Variants in PUS10 observed in about 807,000 individuals in gnomAD.
PUS10 encodes tRNA pseudouridine synthase Pus10.
In PUS10, 59 loss-of-function variants were observed where a neutral mutation model predicts 75.0. That is an observed-to-expected ratio of 0.79 (90% CI 0.64 to 0.98). The LOEUF (loss-of-function observed/expected upper bound fraction) is 0.98. Among genes scored for constraint, PUS10 ranks in the 50% least tolerant of loss-of-function variants. The pLI is 0.00. For missense variants in PUS10, 650 were observed against 614.4 expected, an observed-to-expected ratio of 1.06 and a Z score of -0.61; for synonymous variants, 219 against 211.6, an observed-to-expected ratio of 1.03 and a Z score of -0.30.
intron 15 of PUS10, among the ~76,000 whole-genome samples, chr2:60,952,587 A>G (rs113517706): frequency 1.6e-3 from 246 of 152,364 alleles, no homozygotes; most frequent in African/African-American, 5.7e-3. Context: ...ACCAAAGATA[A>G]TAATAGCATT....
intron 4 of PUS10, among the ~76,000 whole-genome samples, chr2:60,987,304 G>A (rs935473606): frequency 6.6e-6 from 1 of 152,142 alleles, no homozygotes; most frequent in Non-Finnish European, 1.5e-5. Context: ...GAAAGGCAGG[G>A]GTCCCTGGAC....
intron 4 of PUS10, among the ~76,000 whole-genome samples, chr2:61,002,407 G>A (rs1678912832): frequency 6.6e-6 from 1 of 152,166 alleles, no homozygotes; most frequent in Admixed American, 6.5e-5. Flanking sequence ...CCCTTGGCCA[G>A]ATATTATACA....
chr2:60,988,659 G>A (rs1156561955), intron 4 of PUS10, among the ~76,000 whole-genome samples: 2 of 152,126 alleles, frequency 1.3e-5, no homozygotes, highest in African/African-American at 4.8e-5. Context: ...TTTTTGAGAT[G>A]GAGTCTTGCT....
rs752499130 is a variant in PUS10, at chr2:60,948,053, G to A, written c.1441C>T (p.Gln481Ter). ...CAGGTGGAAGGATACGTGCCAGCCT[G>A]AGTTTTCAAGTGGAGGCGGAAGTGG... is the stretch of plus-strand genomic sequence containing the variant. ...EHHFRLHLKT[Q>*]AGTYIKEFVH... Residue 481 changes from glutamine (Q) to a stop codon, truncating the protein, a stop_gained, in exon 16 of 18, where the codon CAG (glutamine) becomes TAG (stop). Transcript: ENST00000316752. LOFTEE classifies it high-confidence loss of function. 2.6e-5 allele frequency: 42 copies of A among 1,614,006 alleles called. No homozygotes were observed. The highest frequency in any genetic ancestry group is 3.4e-5 in the Non-Finnish European group (40 of 1,180,016).
At chr2:60,976,455 C>T (rs1677038198) in intron 4 of PUS10, among the ~76,000 whole-genome samples, 2 of 152,230 alleles carry the variant, frequency 1.3e-5, no homozygotes, top group Admixed American at 1.3e-4. Flanking sequence ...TTGAAGCAAA[C>T]TCTGTTCTCT....
At chr2:61,009,050 C>T in intron 2 of PUS10, 35 bp from the exon 3 acceptor site, 3 of 1,576,732 alleles carry the variant, frequency 1.9e-6, no homozygotes, top group Non-Finnish European at 2.6e-6. Flanking sequence ...TAATGACCCA[C>T]TGACAATGTC....
At chr2:60,943,977 A>C (rs900860739) in intron 17 of PUS10, among the ~76,000 whole-genome samples, 11 of 152,144 alleles carry the variant, frequency 7.2e-5, no homozygotes, top group East Asian at 1.9e-4. Flanking sequence ...ACAACAACAA[A>C]AAAACGCCAG....
chr2:60,947,583 ACTTC>A (rs1393794494), intron 16 of PUS10, among the ~76,000 whole-genome samples: 1 of 152,206 alleles, frequency 6.6e-6, no homozygotes, highest in Non-Finnish European at 1.5e-5. Context: ...TAATCACAGC[ACTTC>A]GGAAGGCCGA....
chr2:61,010,998 C>A, intron 2 of PUS10: 3 of 1,340,246 alleles, frequency 2.2e-6, no homozygotes, highest in South Asian at 2.8e-5. Context: ...TTATTATTGC[C>A]AAAATAATAG....
chr2:60,971,475 T>G (rs549321342), intron 5 of PUS10, 48 bp downstream of exon 5: 1 of 1,514,432 alleles, frequency 6.6e-7, no homozygotes, highest in African/African-American at 1.4e-5. Flanking sequence ...AAGAACCAGG[T>G]AGCTTGTATT....
chr2:60,948,061 A>C lies in PUS10; in HGVS notation c.1433T>G (p.Leu478Trp), dbSNP rs1313286422. Residue 478 changes from leucine (L) to tryptophan (W), a missense_variant, in exon 16 of 18, where the codon TTG (leucine) becomes TGG (tryptophan). Coordinates refer to ENST00000316752, the MANE Select transcript of PUS10 (RefSeq NM_144709.4). Reference sequence around the variant, plus strand: ...AGGATACGTGCCAGCCTGAGTTTTCAAGTGGAGGCGGAAGTGGTGCTCATC... The same window carrying C: ...AGGATACGTGCCAGCCTGAGTTTTCCAGTGGAGGCGGAAGTGGTGCTCATC... ...YVDEHHFRLHLKTQAGTYIKE... is the reference protein window; with the variant it reads ...YVDEHHFRLHWKTQAGTYIKE... 6 of 1,613,982 alleles carry C rather than the reference A, an allele frequency of 3.7e-6. No homozygotes were observed. Among genetic ancestry groups the C allele is most frequent in the Non-Finnish European group, 5.1e-6 (6 of 1,180,014 alleles).
chr2:61,010,655 C>A, intron 2 of PUS10: 1 of 1,000,734 alleles, frequency 1.0e-6, no homozygotes, highest in Non-Finnish European at 1.4e-6. Flanking sequence ...TTTCCACGTA[C>A]TTTATTAGGT....
chr2:60,960,843 T>TAAAAAAAAAAA (rs34578958), intron 10 of PUS10, among the ~76,000 whole-genome samples: 1 of 120,664 alleles, frequency 8.3e-6, no homozygotes, highest in African/African-American at 3.1e-5. Context: ...ATACCAAGGA[T>TAAAAAAAAAAA]AAAAAAAAAA....
chr2:60,983,096 T>G (rs1465530758), intron 4 of PUS10, among the ~76,000 whole-genome samples: 8 of 152,156 alleles, frequency 5.3e-5, no homozygotes, highest in African/African-American at 1.7e-4. Flanking sequence ...TCTCACTACG[T>G]TGACCATGCT....
chr2:60,969,828 T>TGTA (rs1461846623), intron 5 of PUS10, among the ~76,000 whole-genome samples: 5 of 152,240 alleles, frequency 3.3e-5, no homozygotes. Flanking sequence ...GGCTCATGCC[T>TGTA]GTAATCCCAG....
intron 16 of PUS10, among the ~76,000 whole-genome samples, chr2:60,947,464 A>G (rs1191930501): frequency 1.3e-5 from 2 of 152,248 alleles, no homozygotes; most frequent in African/African-American, 4.8e-5. Flanking sequence ...GTAAGACACT[A>G]CAATTATAGG....
chr2:61,008,077 C>CA (rs57458107), intron 3 of PUS10, among the ~76,000 whole-genome samples: 1,740 of 108,116 alleles, frequency 0.016, 15 homozygotes, highest in Non-Finnish European at 0.02. Flanking sequence ...ACTCTGTCTC[C>CA]AAAAAAAAAA....
chr2:60,997,526 C>T (rs976992274), intron 4 of PUS10, among the ~76,000 whole-genome samples: 2 of 146,828 alleles, frequency 1.4e-5, no homozygotes, highest in Non-Finnish European at 3.0e-5. Context: ...AGGAGAATGG[C>T]GTGAACCCGG....
intron 5 of PUS10, among the ~76,000 whole-genome samples, chr2:60,968,383 G>A (rs186421175): frequency 5.8e-4 from 88 of 152,194 alleles, no homozygotes; most frequent in Non-Finnish European, 5.9e-4. Flanking sequence ...ACAAGCCCAC[G>A]TCATTCAAAT....
Sources: gnomAD v4.1 joint callset for allele counts (sites outside exome capture counted in the v4.1 genomes callset) on GRCh38, gnomAD v4.1.1 for gene constraint, MANE v1.5 for transcripts, NCBI Gene and HGNC (gene_info 2026-07-23, HGNC 2026-07-21) for gene names.